The following LHFPL3 variants were observed in gnomAD, a reference collection of about 807,000 sequenced individuals.
LHFPL3 encodes the protein LHFPL tetraspan subfamily member 3.
Under a neutral mutation model 19.3 loss-of-function variants are expected in LHFPL3, and 5 were observed. That is an observed-to-expected ratio of 0.26 (90% CI 0.14 to 0.54). LHFPL3 has a LOEUF of 0.54. LHFPL3 is among the 20% of genes least tolerant of loss of function. LHFPL3 has a pLI of 0.94. For missense variants in LHFPL3, 249 were observed against 307.4 expected (o/e 0.81, Z 1.42); for synonymous variants, 133 against 126.2 (o/e 1.05, Z -0.36).
At chr7:104,867,327 C>A (rs980804197) in intron 2 of LHFPL3, among the ~76,000 whole-genome samples, 1 of 152,072 alleles carries the variant, frequency 6.6e-6, no homozygotes, top group African/African-American at 2.4e-5. Flanking sequence ...TGACAGACCG[C>A]TGGCAAGACT....
chr7:104,391,360 T>A (rs1760840767), intron 1 of LHFPL3, among the ~76,000 whole-genome samples: 1 of 152,184 alleles, frequency 6.6e-6, no homozygotes, highest in Non-Finnish European at 1.5e-5. Flanking sequence ...TTAATTTTTG[T>A]ATAAGGTGTA....
chr7:104,836,863 T>A (rs1791106673), intron 2 of LHFPL3, among the ~76,000 whole-genome samples: 1 of 152,192 alleles, frequency 6.6e-6, no homozygotes, highest in Non-Finnish European at 1.5e-5. Flanking sequence ...TTGTAGGATG[T>A]CAGTTTATCT....
At chr7:104,487,933 G>A (rs1160820935) in intron 1 of LHFPL3, among the ~76,000 whole-genome samples, 2 of 152,112 alleles carry the variant, frequency 1.3e-5, no homozygotes, top group African/African-American at 2.4e-5. Flanking sequence ...CAAACTTGGG[G>A]CTCTCTTTTT....
At chr7:104,495,447 A>C (rs552977699) in intron 1 of LHFPL3, among the ~76,000 whole-genome samples, 78 of 152,200 alleles carry the variant, frequency 5.1e-4, no homozygotes, top group Middle Eastern at 3.4e-3. Flanking sequence ...GCAGTGGCAC[A>C]ATCTCAGCTC....
intron 2 of LHFPL3, among the ~76,000 whole-genome samples, chr7:104,900,255 T>C (rs1294671558): frequency 3.3e-5 from 5 of 152,240 alleles, no homozygotes; most frequent in African/African-American, 9.6e-5. Context: ...GCCAAGTAAT[T>C]GTGCCTGTTT....
chr7:104,482,613 G>A (rs1400293787), intron 1 of LHFPL3, among the ~76,000 whole-genome samples: 3 of 152,150 alleles, frequency 2.0e-5, no homozygotes, highest in Non-Finnish European at 2.9e-5. Flanking sequence ...TTCACAAATG[G>A]AACTAAAAGA....
chr7:104,503,865 C>A (rs1327340153), intron 1 of LHFPL3, among the ~76,000 whole-genome samples: 1 of 152,226 alleles, frequency 6.6e-6, no homozygotes, highest in African/African-American at 2.4e-5. Flanking sequence ...CCACCACATG[C>A]AGCTGAAGTT....
intron 1 of LHFPL3, among the ~76,000 whole-genome samples, chr7:104,691,806 A>G (rs1489084519): frequency 6.6e-6 from 1 of 152,248 alleles, no homozygotes; most frequent in Non-Finnish European, 1.5e-5. Context: ...CTCAGAAGAC[A>G]GGAAAATATG....
chr7:104,447,013 A>G (rs1185698749), intron 1 of LHFPL3, among the ~76,000 whole-genome samples: 1 of 152,210 alleles, frequency 6.6e-6, no homozygotes, highest in Non-Finnish European at 1.5e-5. Context: ...ATACATTCTT[A>G]ACTTGCAGAG....
intron 1 of LHFPL3, among the ~76,000 whole-genome samples, chr7:104,420,854 G>A (rs6942549): frequency 0.11 from 16,195 of 151,808 alleles, 1,015 homozygotes; most frequent in East Asian, 0.26. Flanking sequence ...GAGCCACCGC[G>A]CCCGGCCCCC....
chr7:104,753,936 T>G (rs1309910826), intron 2 of LHFPL3, among the ~76,000 whole-genome samples: 2 of 152,348 alleles, frequency 1.3e-5, no homozygotes, highest in African/African-American at 2.4e-5. Flanking sequence ...CAGACCATTA[T>G]GAGGAGCAAT....
chr7:104,669,395 A>G (rs114577818), intron 1 of LHFPL3: 227 of 1,613,746 alleles, frequency 1.4e-4, no homozygotes, highest in Non-Finnish European at 1.8e-4. Flanking sequence ...GACTGAGGGA[A>G]CAGAGACCAC....
chr7:104,690,299 A>T (rs1480398103), intron 1 of LHFPL3, among the ~76,000 whole-genome samples: 1 of 152,230 alleles, frequency 6.6e-6, no homozygotes, highest in Non-Finnish European at 1.5e-5. Context: ...GATTTGGCAA[A>T]TGTCTTTTTC....
At chr7:104,544,041 T>TAA (rs1003074426) in intron 1 of LHFPL3, among the ~76,000 whole-genome samples, 16 of 135,532 alleles carry the variant, frequency 1.2e-4, no homozygotes, top group African/African-American at 4.1e-4. Flanking sequence ...AAAGTAAAAT[T>TAA]AAAAAAAAAA....
intron 1 of LHFPL3, among the ~76,000 whole-genome samples, chr7:104,435,347 TG>T (rs1251705711): frequency 6.6e-6 from 1 of 151,964 alleles, no homozygotes; most frequent in Non-Finnish European, 1.5e-5. Flanking sequence ...CACTGGGTCT[TG>T]CCAGGCTGCT....
chr7:104,589,982 T>G (rs1298256742), intron 1 of LHFPL3, among the ~76,000 whole-genome samples: 1 of 152,176 alleles, frequency 6.6e-6, no homozygotes, highest in African/African-American at 2.4e-5. Flanking sequence ...TTTTATTGCA[T>G]CTATTTGATT....
intron 2 of LHFPL3, among the ~76,000 whole-genome samples, chr7:104,861,702 G>C (rs17777439): frequency 0.12 from 18,304 of 152,122 alleles, 2,339 homozygotes; most frequent in East Asian, 0.44. Flanking sequence ...GTGATTCTAG[G>C]AGAAACTAAT....
At chr7:104,577,399 A>G (rs1395439921) in intron 1 of LHFPL3, among the ~76,000 whole-genome samples, 1 of 152,200 alleles carries the variant, frequency 6.6e-6, no homozygotes, top group Non-Finnish European at 1.5e-5. Flanking sequence ...CAAAATAGTG[A>G]TTAGAAAGAA....
chr7:104,335,509 A>G (rs1789787347), intron 1 of LHFPL3, among the ~76,000 whole-genome samples: 1 of 152,228 alleles, frequency 6.6e-6, no homozygotes, highest in African/African-American at 2.4e-5. Flanking sequence ...TGATGTCAAA[A>G]CAAACAGTTT....
Sources: gnomAD v4.1 joint callset for allele counts (sites outside exome capture counted in the v4.1 genomes callset) on GRCh38, gnomAD v4.1.1 for gene constraint, MANE v1.5 for transcripts, NCBI Gene and HGNC (gene_info 2026-07-23, HGNC 2026-07-21) for gene names.